Variants in ADAM17 observed in about 807,000 individuals in gnomAD.
ADAM17 encodes the protein ADAM metallopeptidase domain 17.
Under a neutral mutation model 96.7 loss-of-function variants are expected in ADAM17, and 39 were observed. That is an observed-to-expected ratio of 0.40 (90% CI 0.31 to 0.53). ADAM17 has a LOEUF of 0.53. ADAM17 is among the 20% of genes least tolerant of loss of function. ADAM17 has a pLI of 0.44. For synonymous variants in ADAM17, 344 were observed against 359.2 expected (o/e 0.96, Z 0.48); for missense variants, 777 against 1,013.2 (o/e 0.77, Z 3.17).
chr2:9,537,304 T>C (rs931402936), intron 2 of ADAM17, among the ~76,000 whole-genome samples: 2 of 152,210 alleles, frequency 1.3e-5, no homozygotes, highest in Admixed American at 6.5e-5. Context: ...GTTACACAGC[T>C]AGTAAATGGT....
Position 9,493,928 on chromosome 2 carries a change from A to T in ADAM17, c.1915-103T>A, listed in dbSNP as rs532865144. The T allele has an allele frequency of 1.9e-5, 18 of 945,852 alleles. No individual in the cohort carries two copies. In the Admixed American group the frequency reaches 4.3e-4, roughly 23 times the overall value. 58.6% of individuals were successfully genotyped at this position (945,852 alleles called of 1,614,324 possible). A position where few individuals can be genotyped will look rare whatever the true frequency, so the allele number is the denominator to read the frequency against. Reference sequence around the variant, plus strand: ...CTGACATGTAAAGGGCTTCATTAAAATCAAACGTTTTCCCATCTTTGACAC... The same window carrying T: ...CTGACATGTAAAGGGCTTCATTAAATTCAAACGTTTTCCCATCTTTGACAC... On this transcript the variant is annotated intron_variant, in intron 15 of 18. Coordinates refer to ENST00000310823, the MANE Select transcript of ADAM17 (RefSeq NM_003183.6).
chr2:9,545,552 A>G (rs1342840407), intron 1 of ADAM17, among the ~76,000 whole-genome samples: 1 of 152,194 alleles, frequency 6.6e-6, no homozygotes, highest in Non-Finnish European at 1.5e-5. Context: ...CCTGGGCAAC[A>G]AGGCAAGACT....
intron 1 of ADAM17, among the ~76,000 whole-genome samples, chr2:9,545,035 T>C (rs916270898): frequency 1.3e-5 from 2 of 152,188 alleles, no homozygotes; most frequent in African/African-American, 4.8e-5. Context: ...AAGATCATAA[T>C]CACTCCTACT....
chr2:9,506,679 A>G (rs1352856326), intron 11 of ADAM17: 1 of 152,298 alleles, frequency 6.6e-6, no homozygotes, highest in African/African-American at 2.4e-5. Context: ...CTGTCGTTAC[A>G]GTACAGATGT....
In ADAM17 at chr2:9,490,185, C is replaced by T; in HGVS notation, c.2467G>A (p.Glu823Lys). The change falls in exon 19 of 19, where the codon GAG (glutamate) becomes AAG (lysine). Residue 823 changes from glutamate (E) to lysine (K), a missense_variant. Physicochemically the swap from Glu to Lys is moderately conservative, Grantham distance 56. Around this residue, in one of 3 missense-constraint regions of ADAM17, gnomAD observed 197 missense variants for 219.4 expected, o/e 0.90. Transcript: ENST00000310823. ...RQNRVDSKET[E>K]C The stretch of plus-strand genomic sequence containing the variant: ...AAGAGCTGAGAACTAAATTAGCACT[C>T]TGTTTCTTTGCTGTCAACACGATTC... 1 of 1,592,894 alleles carries T rather than the reference C, an allele frequency of 6.3e-7. No homozygotes were observed. The highest frequency in any genetic ancestry group is 1.1e-5 in the South Asian group (1 of 90,496).
At chr2:9,491,191 A>G (rs770956800) in intron 17 of ADAM17, 40 bp from the exon 18 acceptor site, 19 of 1,577,336 alleles carry the variant, frequency 1.2e-5, no homozygotes, top group Admixed American at 1.0e-4. Context: ...CTACAAATAC[A>G]ATTCAGTTAG....
chr2:9,497,060 G>T (rs951906124), intron 14 of ADAM17, 54 bp downstream of exon 14: 1 of 1,589,380 alleles, frequency 6.3e-7, no homozygotes. Flanking sequence ...AGGGAGCCTG[G>T]CAGACAAAGG....
intron 7 of ADAM17, among the ~76,000 whole-genome samples, 156 bp downstream of exon 7, chr2:9,523,093 C>A (rs1310607472): frequency 1.3e-5 from 2 of 152,094 alleles, no homozygotes; most frequent in East Asian, 1.9e-4. Flanking sequence ...TAATTAACAT[C>A]AAAAATACTG....
At chr2:9,508,188 G>A (rs1437148350) in intron 11 of ADAM17, among the ~76,000 whole-genome samples, 1 of 152,128 alleles carries the variant, frequency 6.6e-6, no homozygotes, top group Non-Finnish European at 1.5e-5. Flanking sequence ...TATGCAATAT[G>A]GTAGCCACCA....
chr2:9,513,695 T>C (rs1373223212), intron 10 of ADAM17, among the ~76,000 whole-genome samples: 1 of 152,028 alleles, frequency 6.6e-6, no homozygotes, highest in Non-Finnish European at 1.5e-5. Flanking sequence ...TGAGAGATTT[T>C]TTCCCCTAAA....
intron 12 of ADAM17, among the ~76,000 whole-genome samples, chr2:9,503,159 GA>G (rs1004977948): frequency 1.1e-3 from 153 of 139,242 alleles, no homozygotes; most frequent in African/African-American, 2.5e-3. Flanking sequence ...AAAAGACAAG[GA>G]AAAAAAAAAA....
At chr2:9,519,248 T>A (rs182042265) in intron 8 of ADAM17, among the ~76,000 whole-genome samples, 60 of 152,260 alleles carry the variant, frequency 3.9e-4, no homozygotes, top group Non-Finnish European at 8.1e-4. Context: ...GAGAGCCCTA[T>A]ATGAGGAATG....
rs771817640 is a variant in ADAM17, at chr2:9,505,229, A to G, written c.1481T>C (p.Met494Thr). The part of the protein sequence containing the change: ...DEGEECDPGI[M>T]YLNNDTCCNS... ...GCAGCAGGTGTCGTTGTTCAGATAC[A>G]TGATGCCAGGATCACACTCTTCTCC... Residue 494 changes from methionine (M) to threonine (T), a missense_variant, in exon 12 of 19, where the codon ATG becomes ACG. This residue lies in a region of ADAM17 where 446 missense variants were observed against 664.7 expected (regional missense o/e 0.67). Transcript: ENST00000310823. The G allele has an allele frequency of 6.2e-7, 1 of 1,614,180 alleles. No individual in the cohort carries two copies. The highest frequency in any genetic ancestry group is 1.1e-5 in the South Asian group (1 of 91,080).
chr2:9,544,668 T>C (rs931510411), intron 1 of ADAM17, among the ~76,000 whole-genome samples: 5 of 151,872 alleles, frequency 3.3e-5, no homozygotes, highest in Admixed American at 6.6e-5. Context: ...TCTACCAAAA[T>C]ACAAAAAATT....
intron 13 of ADAM17, among the ~76,000 whole-genome samples, chr2:9,498,735 T>C (rs1381680766): frequency 6.6e-6 from 1 of 152,260 alleles, no homozygotes; most frequent in Non-Finnish European, 1.5e-5. Flanking sequence ...GAAAGTATGA[T>C]GTCCAGTGAG....
intron 2 of ADAM17, among the ~76,000 whole-genome samples, chr2:9,542,300 G>A (rs570968682): frequency 6.6e-6 from 1 of 152,274 alleles, no homozygotes; most frequent in South Asian, 2.1e-4. Context: ...AGCACTTTGG[G>A]AGGCCAAGAT....
chr2:9,503,181 G>T (rs1457183250), intron 12 of ADAM17, among the ~76,000 whole-genome samples: 1 of 151,286 alleles, frequency 6.6e-6, no homozygotes, highest in Non-Finnish European at 1.5e-5. Flanking sequence ...AGACAAGGTG[G>T]GGCCACAAGG....
At chr2:9,544,741 G>A (rs1238205144) in intron 1 of ADAM17, among the ~76,000 whole-genome samples, 1 of 151,712 alleles carries the variant, frequency 6.6e-6, no homozygotes, top group Non-Finnish European at 1.5e-5. Flanking sequence ...CAGAAGAATC[G>A]CTTGAACCTG....
chr2:9,555,426 C>T, intron 1 of ADAM17, 83 bp downstream of exon 1: 1 of 1,229,994 alleles, frequency 8.1e-7, no homozygotes, highest in Non-Finnish European at 1.1e-6. Context: ...CGCCCCCAAA[C>T]ACCTGATAGA....
Sources: gnomAD v4.1 joint callset for allele counts (sites outside exome capture counted in the v4.1 genomes callset) on GRCh38, gnomAD v4.1.1 for gene constraint, gnomAD v4.1.1 regional missense constraint, MANE v1.5 for transcripts, NCBI Gene and HGNC (gene_info 2026-07-23, HGNC 2026-07-21) for gene names.